MACF1: variants seen among roughly 807,000 people sequenced by gnomAD.
MACF1 encodes microtubule-actin cross-linking factor 1.
Under a neutral mutation model 854.8 loss-of-function variants are expected in MACF1, and 193 were observed. The ratio of observed to expected loss-of-function variants is 0.23; its 90% CI spans 0.20 to 0.25. The LOEUF is 0.25. MACF1 is among the 10% of genes least tolerant of loss of function. MACF1 has a pLI of 1.00. For synonymous variants in MACF1, 3,185 were observed against 3,226.7 expected (o/e 0.99, Z 0.44); for missense variants, 7,722 against 8,929.1 (o/e 0.86, Z 5.45).
At chr1:39,156,655 A>G (rs1643693838) in intron 2 of MACF1, among the ~76,000 whole-genome samples, 1 of 152,138 alleles carries the variant, frequency 6.6e-6, no homozygotes, top group Non-Finnish European at 1.5e-5. Flanking sequence ...CTCCTGCCTC[A>G]TATAACTAGT....
intron 36 of MACF1, among the ~76,000 whole-genome samples, chr1:39,330,012 C>G (rs930803534): frequency 2.6e-5 from 4 of 152,334 alleles, no homozygotes; most frequent in African/African-American, 7.2e-5. Flanking sequence ...GTTACCTAAA[C>G]TCTGTGCCTC....
At chr1:39,423,576 A>G (rs2148639030) in intron 60 of MACF1, among the ~76,000 whole-genome samples, 1 of 148,840 alleles carries the variant, frequency 6.7e-6, no homozygotes, top group East Asian at 2.0e-4. Context: ...CGGAGCTTGC[A>G]GTGAGCCGAG....
At chr1:39,447,066 T>C (rs903640385) in intron 80 of MACF1, among the ~76,000 whole-genome samples, 1 of 152,204 alleles carries the variant, frequency 6.6e-6, no homozygotes, top group Non-Finnish European at 1.5e-5. Context: ...TAAAGGAAAC[T>C]GAAACATTAC....
intron 58 of MACF1, among the ~76,000 whole-genome samples, chr1:39,390,848 C>A (rs540834408): frequency 3.3e-5 from 5 of 152,312 alleles, no homozygotes; most frequent in Admixed American, 3.3e-4. Context: ...TGGCTCACGC[C>A]TGTAATCCCA....
intron 2 of MACF1, among the ~76,000 whole-genome samples, chr1:39,158,870 G>A (rs1420368008): frequency 1.3e-5 from 2 of 152,184 alleles, no homozygotes; most frequent in Non-Finnish European, 2.9e-5. Context: ...TAGTAGAAGC[G>A]GGAGTAGAGA....
intron 49 of MACF1, 27 bp downstream of exon 49, chr1:39,361,704 G>T: frequency 6.2e-7 from 1 of 1,608,288 alleles, no homozygotes; most frequent in South Asian, 1.1e-5. Flanking sequence ...CATGTTAGCA[G>T]AATAAAGGGA....
chr1:39,285,514 T>TC, intron 13 of MACF1, 90 bp from the exon 14 acceptor site: 1 of 1,476,192 alleles, frequency 6.8e-7, no homozygotes, highest in Non-Finnish European at 9.2e-7. Flanking sequence ...TTTTTTTTTT[T>TC]TGGAATTGCA....
intron 6 of MACF1, chr1:39,269,289 A>G: frequency 7.8e-7 from 1 of 1,289,850 alleles, no homozygotes; most frequent in African/African-American, 1.5e-5. Flanking sequence ...TGGGTTTCGG[A>G]GCTGTGCTTT....
chr1:39,256,515 G>A (rs1012684317), intron 5 of MACF1, among the ~76,000 whole-genome samples: 1 of 152,188 alleles, frequency 6.6e-6, no homozygotes, highest in Non-Finnish European at 1.5e-5. Context: ...ACAAGTTTCA[G>A]TTCAGTAGAA....
intron 58 of MACF1, among the ~76,000 whole-genome samples, chr1:39,419,839 GTGTA>G (rs1643467720): frequency 6.7e-6 from 1 of 149,136 alleles, no homozygotes; most frequent in African/African-American, 2.5e-5. Flanking sequence ...GTGTGTGTGT[GTGTA>G]TTTTTAGTAG....
chr1:39,438,590 G>C (rs1231106738), intron 71 of MACF1, among the ~76,000 whole-genome samples: 4 of 152,260 alleles, frequency 2.6e-5, no homozygotes, highest in African/African-American at 9.6e-5. Flanking sequence ...TTCGAGACCA[G>C]CCTGGCCAAC....
intron 2 of MACF1, among the ~76,000 whole-genome samples, chr1:39,098,531 G>T (rs920687464): frequency 6.6e-6 from 1 of 152,216 alleles, no homozygotes; most frequent in South Asian, 2.1e-4. Flanking sequence ...TTGGGAAGCC[G>T]GTGCGGTGAG....
intron 2 of MACF1, among the ~76,000 whole-genome samples, chr1:39,152,941 T>G (rs184661243): frequency 1.3e-5 from 2 of 152,294 alleles, no homozygotes; most frequent in East Asian, 3.9e-4. Flanking sequence ...GTTGAGCCAG[T>G]AAGCACTTTT....
At chr1:39,329,627 A>T (rs1443636238) in intron 36 of MACF1, among the ~76,000 whole-genome samples, 5 of 152,230 alleles carry the variant, frequency 3.3e-5, no homozygotes, top group African/African-American at 4.8e-5. Flanking sequence ...CCAAAGAGGG[A>T]CAGATAAAAT....
At chr1:39,277,602 A>G (rs1186708750) in intron 6 of MACF1, among the ~76,000 whole-genome samples, 5 of 152,206 alleles carry the variant, frequency 3.3e-5, no homozygotes, top group African/African-American at 1.2e-4. Context: ...AAGTTCTTGC[A>G]GGCCAAGCAT....
At chr1:39,301,793 C>T (rs1298957591) in intron 22 of MACF1, among the ~76,000 whole-genome samples, 1 of 151,764 alleles carries the variant, frequency 6.6e-6, no homozygotes, top group Non-Finnish European at 1.5e-5. Flanking sequence ...ACTCATTGCT[C>T]TTGGGAAAAA....
Position 39,447,517 on chromosome 1 carries a change from A to G in MACF1, c.19691A>G (p.Gln6564Arg), listed in dbSNP as rs755200421. 1 of 1,614,200 alleles carries G rather than the reference A, an allele frequency of 6.2e-7. No individual in the cohort carries two copies. The highest frequency in any genetic ancestry group is 1.1e-5 in the South Asian group (1 of 91,088). Reference protein sequence around the residue: ...EFINWLTLAEQSLNIASPPSL... With the variant: ...EFINWLTLAERSLNIASPPSL... ...ATCAACTGGCTCACTCTAGCAGAGC[A>G]GAGTTTAAACATCGCTTCTCCACCA... is the stretch of plus-strand genomic sequence containing the variant. Residue 6564 changes from glutamine to arginine, a missense_variant, in exon 81 of 101, where the codon CAG (glutamine) becomes CGG (arginine). Physicochemically the swap from Gln to Arg is conservative, Grantham distance 43. Transcript: ENST00000564288.
intron 5 of MACF1, among the ~76,000 whole-genome samples, chr1:39,255,393 C>CA (rs1205357320): frequency 6.6e-6 from 1 of 152,070 alleles, no homozygotes; most frequent in African/African-American, 2.4e-5. Flanking sequence ...ATGAGGGAGT[C>CA]AAAGAGTTCA....
chr1:39,432,727 C>A (rs1486460343), intron 67 of MACF1, 73 bp downstream of exon 67: 70 of 1,433,626 alleles, frequency 4.9e-5, no homozygotes, highest in Non-Finnish European at 8.5e-6. Context: ...TTCTGACTAT[C>A]CCATGTCAAG....
Sources: gnomAD v4.1 joint callset for allele counts (sites outside exome capture counted in the v4.1 genomes callset) on GRCh38, gnomAD v4.1.1 for gene constraint, MANE v1.5 for transcripts, NCBI Gene and HGNC (gene_info 2026-07-23, HGNC 2026-07-21) for gene names.